The following LIPH variants were observed in gnomAD, a reference collection of about 807,000 sequenced individuals.
LIPH encodes lipase member H.
A neutral mutation model predicts 47.6 loss-of-function variants in LIPH; 32 were observed. The ratio of observed to expected loss-of-function variants is 0.67; its 90% CI spans 0.51 to 0.90. The LOEUF is 0.90. LIPH is among the 40% of genes least tolerant of loss of function. The pLI is 0.00. For synonymous variants in LIPH, 190 were observed against 195.6 expected (o/e 0.97, Z 0.24); for missense variants, 497 against 541.4 (o/e 0.92, Z 0.81).
chr3:185,523,433 C>T (rs1719969124), intron 5 of LIPH, among the ~76,000 whole-genome samples: 1 of 152,042 alleles, frequency 6.6e-6, no homozygotes, highest in African/African-American at 2.4e-5. Context: ...TGAGACAGGT[C>T]TCACTCTGTT....
chr3:185,544,197 A>G (rs1430978785), intron 1 of LIPH, among the ~76,000 whole-genome samples: 1 of 152,062 alleles, frequency 6.6e-6, no homozygotes, highest in African/African-American at 2.4e-5. Flanking sequence ...TAATGCCTAA[A>G]TTCATTTGTA....
In LIPH at chr3:185,552,542, C is replaced by T; in HGVS notation, c.-71G>A. ...CTTCGCAGAGGCTTAAGAGTTTCCA[C>T]TGTGGGATTTTGCTCACAGTGAGCT... On this transcript the variant is annotated 5_prime_UTR_variant, in exon 1 of 10. In the 5' UTR this introduces an upstream ATG that the reference lacks. Transcript: ENST00000296252. 8.7e-7 allele frequency: 1 copy of T among 1,151,342 alleles called. No individual in the cohort carries two copies. Among genetic ancestry groups the T allele is most frequent in the South Asian group, 1.2e-5 (1 of 81,178 alleles). 71.3% of individuals were successfully genotyped at this position (1,151,342 alleles called of 1,614,324 possible).
At chr3:185,519,601 C>T (rs1194430385) in intron 5 of LIPH, among the ~76,000 whole-genome samples, 1 of 151,756 alleles carries the variant, frequency 6.6e-6, no homozygotes, top group South Asian at 2.1e-4. Flanking sequence ...TTTAGGAGGC[C>T]GAAGCAGGTG....
In LIPH at chr3:185,508,396, G is replaced by A. The variant is rs1036667698; in HGVS notation, c.*394C>T. 2 of 235,756 alleles carry A rather than the reference G, an allele frequency of 8.5e-6. No homozygotes were observed. Among genetic ancestry groups the A allele is most frequent in the Non-Finnish European group, 8.5e-6 (1 of 118,144 alleles). The allele number at this position is 235,756 out of a possible 1,614,324, so 14.6% of individuals were successfully genotyped here. A position where few individuals can be genotyped will look rare whatever the true frequency, so the allele number is the denominator to read the frequency against. On this transcript the variant is annotated 3_prime_UTR_variant, in exon 10 of 10. Coordinates refer to ENST00000296252, the MANE Select transcript of LIPH (RefSeq NM_139248.3). The stretch of plus-strand genomic sequence containing the variant: ...TGTGGGAACTGGAGGAATGTGGCAC[G>A]GAGAATGCAGAGTTGAGTCCACGGT...
intron 7 of LIPH, 51 bp from the exon 8 acceptor site, chr3:185,514,572 C>T: frequency 1.3e-6 from 1 of 796,446 alleles, no homozygotes; most frequent in Non-Finnish European, 2.3e-6. Flanking sequence ...CCAACTGATC[C>T]CCTGAAGGGC....
Position 185,508,797 on chromosome 3 carries a change from T to A in LIPH, c.1349A>T (p.Gln450Leu). The A allele has an allele frequency of 6.2e-7, 1 of 1,611,892 alleles. No individual in the cohort carries two copies. Among genetic ancestry groups the A allele is most frequent in the Non-Finnish European group, 8.5e-7 (1 of 1,177,926 alleles). The change falls in exon 10 of 10, where the codon CAG becomes CTG. Residue 450 changes from glutamine to leucine, a missense_variant. Physicochemically the swap from Gln to Leu is moderately radical, Grantham distance 113. Coordinates refer to ENST00000296252, the MANE Select transcript of LIPH (RefSeq NM_139248.3). ...VFQPILCPEL[Q>L]L The stretch of plus-strand genomic sequence containing the variant: ...CATGTGTCCTGGCAACAGTTACAAC[T>A]GCAACTCTGGGCAAAGAATAGGTTG...
chr3:185,535,210 G>T (rs993156942), intron 1 of LIPH, 78 bp from the exon 2 acceptor site: 34 of 1,533,636 alleles, frequency 2.2e-5, no homozygotes, highest in Non-Finnish European at 2.9e-5. Flanking sequence ...TTCTATATTT[G>T]TAGGAGTTCT....
chr3:185,531,130 G>A (rs3114675), intron 3 of LIPH, among the ~76,000 whole-genome samples: 152,314 of 152,340 alleles, frequency 1, 76,144 homozygotes, highest in Non-Finnish European at 1. Context: ...ACGTGTGAGC[G>A]GATAGATACG....
At chr3:185,540,365 A>G (rs1042286769) in intron 1 of LIPH, among the ~76,000 whole-genome samples, 1 of 151,970 alleles carries the variant, frequency 6.6e-6, no homozygotes, top group East Asian at 1.9e-4. Flanking sequence ...GTTCTTTCTC[A>G]TATTGGGAAG....
intron 1 of LIPH, among the ~76,000 whole-genome samples, chr3:185,546,339 T>C (rs1353273623): frequency 1.6e-4 from 20 of 124,046 alleles, no homozygotes; most frequent in South Asian, 1.0e-3. Context: ...GACGACAGAG[T>C]AAGACTCCGT....
chr3:185,531,672 G>A (rs1269267955), intron 3 of LIPH, among the ~76,000 whole-genome samples: 1 of 151,888 alleles, frequency 6.6e-6, no homozygotes, highest in East Asian at 1.9e-4. Context: ...CTTGAGCCCA[G>A]GAGTCCAAGG....
chr3:185,544,870 C>T (rs928019816), intron 1 of LIPH, among the ~76,000 whole-genome samples: 1 of 152,080 alleles, frequency 6.6e-6, no homozygotes, highest in Non-Finnish European at 1.5e-5. Context: ...CTAGCATGTT[C>T]TGCAGACATC....
rs1194076315 is a variant in LIPH at position 185,524,175 on chromosome 3, A to G, written c.629-15T>C. The G allele has an allele frequency of 3.3e-6, 5 of 1,502,826 alleles. No homozygotes were observed. Among genetic ancestry groups the G allele is most frequent in the East Asian group, 2.3e-5 (1 of 44,304 alleles). 93.1% of individuals were successfully genotyped at this position (1,502,826 alleles called of 1,614,324 possible). On this transcript the variant is annotated splice_polypyrimidine_tract_variant and intron_variant, in intron 4 of 9. Transcript: ENST00000296252. ...GTAGCCCAGTGCTAAAAGAGAACAC[A>G]TTCTGCTTTTATACTCCTTTGAATT...
chr3:185,517,035 G>A lies in LIPH; in HGVS notation c.982+32C>T. Reference sequence around the variant, plus strand: ...TCAGCCATCCCCAAAATGAGAGTTAGGCAAAAGCCAACAACCACATTCACC... The same window carrying A: ...TCAGCCATCCCCAAAATGAGAGTTAAGCAAAAGCCAACAACCACATTCACC... On this transcript the variant is annotated intron_variant, in intron 7 of 9. Transcript: ENST00000296252. The A allele has an allele frequency of 2.1e-6, 3 of 1,406,332 alleles. 1 individual carries two copies. Among genetic ancestry groups the A allele is most frequent in the Non-Finnish European group, 3.0e-6 (3 of 990,464 alleles). 87.1% of individuals were successfully genotyped at this position (1,406,332 alleles called of 1,614,324 possible). A position where few individuals can be genotyped will look rare whatever the true frequency, so the allele number is the denominator to read the frequency against.
rs995254869 is a variant in LIPH at position 185,508,634 on chromosome 3, T to A, written c.*156A>T. On this transcript the variant is annotated 3_prime_UTR_variant, in exon 10 of 10. Transcript: ENST00000296252. ...GGATCGTTTTATAATCACAAGGTTG[T>A]TTGATGTACAATGTGACATCCATAG... The A allele has an allele frequency of 1.5e-5, 10 of 668,436 alleles. No individual in the cohort carries two copies. Among genetic ancestry groups the A allele is most frequent in the Non-Finnish European group, 5.4e-6 (2 of 368,030 alleles). 41.4% of individuals were successfully genotyped at this position (668,436 alleles called of 1,614,324 possible).
In LIPH at chr3:185,542,442, G is replaced by A. The variant is rs181867490; in HGVS notation, c.50-7310C>T. On this transcript the variant is annotated intron_variant, in intron 1 of 9. Coordinates refer to ENST00000296252, the MANE Select transcript of LIPH (RefSeq NM_139248.3). ...GCGATTCTCCTTGCTTCAGCCTCCC[G>A]AGTAGTTGGGATTACAGGCGGCTGC... 2.6e-4 allele frequency among the ~76,000 whole-genome samples: 39 copies of A among 151,954 alleles called. 1 individual carries two copies. The highest frequency in any genetic ancestry group is 2.1e-3 in the South Asian group (10 of 4,806).
chr3:185,536,478 G>T (rs1276460697), intron 1 of LIPH, among the ~76,000 whole-genome samples: 1 of 152,144 alleles, frequency 6.6e-6, no homozygotes, highest in East Asian at 1.9e-4. Flanking sequence ...TGTTCTCAAT[G>T]AATCTTCATT....
intron 4 of LIPH, among the ~76,000 whole-genome samples, chr3:185,527,182 T>A (rs1350259322): frequency 6.6e-6 from 1 of 151,906 alleles, no homozygotes; most frequent in Non-Finnish European, 1.5e-5. Context: ...GAGCTTGCAG[T>A]GAGTCGAGAT....
At position 185,508,881 on chromosome 3, in the gene LIPH, G is replaced by T; in HGVS notation, c.1269-4C>A. The T allele has an allele frequency of 6.3e-7, 1 of 1,585,970 alleles. No homozygotes were observed. The highest frequency in any genetic ancestry group is 8.7e-7 in the Non-Finnish European group (1 of 1,154,634). On this transcript the variant is annotated splice_polypyrimidine_tract_variant and splice_region_variant and intron_variant, in intron 9 of 9. Transcript: ENST00000296252. ...ATCATACCGACACAGCTGAGGCCTGGGAAAATAAGACAAAATATCCTTGTA... is the reference window on the plus strand; with the variant it reads ...ATCATACCGACACAGCTGAGGCCTGTGAAAATAAGACAAAATATCCTTGTA...
Sources: gnomAD v4.1 joint callset for allele counts (sites outside exome capture counted in the v4.1 genomes callset) on GRCh38, gnomAD v4.1.1 for gene constraint, MANE v1.5 for transcripts, NCBI Gene and HGNC (gene_info 2026-07-23, HGNC 2026-07-21) for gene names.